Variants in MEI1 observed in about 807,000 individuals in gnomAD.
The protein encoded by MEI1 is meiosis inhibitor protein 1.
In MEI1, 103 loss-of-function variants were observed where a neutral mutation model predicts 146.2. The observed-to-expected ratio is 0.70, with a 90% confidence interval of 0.60 to 0.83. MEI1 has a LOEUF of 0.83. Among genes scored for constraint, MEI1 ranks in the 40% least tolerant of loss-of-function variants. The probability of loss-of-function intolerance (pLI) is 0.00; values close to 1 mark genes in which losing one functional copy is unlikely to be tolerated. For missense variants in MEI1, 1,529 were observed against 1,533.0 expected, an observed-to-expected ratio of 1.00 and a Z score of 0.04; for synonymous variants, 652 against 628.2, an observed-to-expected ratio of 1.04 and a Z score of -0.57.
chr22:41,718,364 A>T, intron 6 of MEI1, 90 bp downstream of exon 6: 1 of 1,307,342 alleles, frequency 7.6e-7, no homozygotes, highest in Admixed American at 2.2e-5. Flanking sequence ...GTAGTGGGGA[A>T]GTTTGCTGTT....
rs1183165891 is a variant in MEI1, at chr22:41,769,801, G to T, written c.2269-885G>T. 2.6e-5 allele frequency among the ~76,000 whole-genome samples: 4 copies of T among 151,816 alleles called. No individual in the cohort carries two copies. The East Asian group carries it at 7.8e-4, about 30-fold the overall frequency. Reference sequence around the variant, plus strand: ...ACTAAGAAATTTGAACATTGTTATGGGAATGCAATGGGAAGAGGTAGGTTT... The same window carrying T: ...ACTAAGAAATTTGAACATTGTTATGTGAATGCAATGGGAAGAGGTAGGTTT... On this transcript the variant is annotated intron_variant, in intron 19 of 30. Transcript: ENST00000401548.
At chr22:41,790,393 C>T (rs1473162789) in intron 26 of MEI1, among the ~76,000 whole-genome samples, 3 of 151,904 alleles carry the variant, frequency 2.0e-5, no homozygotes, top group Non-Finnish European at 2.9e-5. Flanking sequence ...TCTTAAAACT[C>T]GCTTTTTATT....
At chr22:41,793,032 C>CT (rs869223251) in intron 26 of MEI1, among the ~76,000 whole-genome samples, 582 of 48,408 alleles carry the variant, frequency 0.012, 122 homozygotes, top group East Asian at 0.1. Flanking sequence ...ACAAAGCATT[C>CT]TTTTTTTTTT....
intron 3 of MEI1, among the ~76,000 whole-genome samples, chr22:41,705,848 C>T (rs1051861022): frequency 1.3e-5 from 2 of 151,688 alleles, no homozygotes; most frequent in Non-Finnish European, 2.9e-5. Context: ...GCTGGGATTA[C>T]AGGCATCTGC....
intron 26 of MEI1, among the ~76,000 whole-genome samples, chr22:41,786,071 C>G (rs1312913380): frequency 6.7e-6 from 1 of 149,384 alleles, no homozygotes; most frequent in African/African-American, 2.5e-5. Context: ...CTACCACGCC[C>G]GGCTAATTTT....
intron 1 of MEI1, among the ~76,000 whole-genome samples, chr22:41,701,017 G>A (rs981746893): frequency 8.9e-5 from 13 of 146,846 alleles, no homozygotes; most frequent in Admixed American, 4.2e-4. Context: ...TCAGCTCACC[G>A]CAACCTCCGC....
Position 41,795,889 on chromosome 22 carries a change from C to G in MEI1, c.3779+42C>G, listed in dbSNP as rs766354001. 1.2e-6 allele frequency: 2 copies of G among 1,612,682 alleles called. No individual in the cohort carries two copies. Among genetic ancestry groups the G allele is most frequent in the South Asian group, 2.2e-5 (2 of 91,014 alleles). The stretch of plus-strand genomic sequence containing the variant: ...CTATGATGAAGGAGATGCCAAATCA[C>G]TGGGTGTTTGGGGCTTCTCTTCCTG... On this transcript the variant is annotated intron_variant, in intron 30 of 30. Coordinates refer to ENST00000401548, the MANE Select transcript of MEI1 (RefSeq NM_152513.4). The surrounding 1 kb of genome is among the most constrained non-coding windows in gnomAD (Gnocchi z 4.2).
chr22:41,767,945 GA>G (rs2074957824), intron 19 of MEI1, among the ~76,000 whole-genome samples: 2 of 152,278 alleles, frequency 1.3e-5, no homozygotes, highest in Admixed American at 1.3e-4. Context: ...AGCAGAGTAT[GA>G]TTTAATGTAC....
intron 15 of MEI1, among the ~76,000 whole-genome samples, chr22:41,749,820 CCTGGCTTCTGG>C (rs2073623342): frequency 6.6e-6 from 1 of 151,486 alleles, no homozygotes; most frequent in African/African-American, 2.4e-5. Context: ...CAAGGTAATG[CCTGGCTTCTGG>C]CTGGCTTCTA....
intron 26 of MEI1, among the ~76,000 whole-genome samples, chr22:41,793,457 A>G (rs1164008573): frequency 6.6e-6 from 1 of 151,848 alleles, no homozygotes; most frequent in Non-Finnish European, 1.5e-5. Flanking sequence ...GTGCACCAAC[A>G]CACCTAGCTA....
intron 26 of MEI1, among the ~76,000 whole-genome samples, chr22:41,792,763 C>T (rs2076222888): frequency 6.6e-6 from 1 of 152,258 alleles, no homozygotes; most frequent in South Asian, 2.1e-4. Flanking sequence ...CCACATTCTC[C>T]TCAACACTTG....
chr22:41,731,053 T>G (rs1256895737), intron 9 of MEI1, among the ~76,000 whole-genome samples: 1 of 146,340 alleles, frequency 6.8e-6, no homozygotes, highest in East Asian at 2.0e-4. Context: ...GTCTGGGACT[T>G]TTTTTTTTTT....
chr22:41,730,588 A>T lies in MEI1; in HGVS notation c.1047A>T (p.Thr349=), dbSNP rs778047977. Reference sequence around the variant, plus strand: ...TCTGGTCCAGCTGTAACTGCTTGACACTCCTGGTAGAAGAGCCACTCTTTT... The same window carrying T: ...TCTGGTCCAGCTGTAACTGCTTGACTCTCCTGGTAGAAGAGCCACTCTTTT... ...VLVWSSCNCL[T]LLVEEPLFFS... Residue 349 remains threonine (T), a synonymous_variant, in exon 9 of 31, where the codon ACA becomes ACT. Coordinates refer to ENST00000401548, the MANE Select transcript of MEI1 (RefSeq NM_152513.4). 1 of 1,613,436 alleles carries T rather than the reference A, an allele frequency of 6.2e-7. No homozygotes were observed. Among genetic ancestry groups the T allele is most frequent in the South Asian group, 1.1e-5 (1 of 91,056 alleles).
At chr22:41,746,691 C>T (rs1474860624) in intron 14 of MEI1, among the ~76,000 whole-genome samples, 5 of 152,136 alleles carry the variant, frequency 3.3e-5, no homozygotes, top group Non-Finnish European at 1.5e-5. Flanking sequence ...TCCTATGAGC[C>T]TGTGAGGAGT....
intron 30 of MEI1, among the ~76,000 whole-genome samples, chr22:41,798,700 T>C (rs894293201): frequency 1.3e-5 from 2 of 151,558 alleles, no homozygotes; most frequent in African/African-American, 2.4e-5. Context: ...AAACCCCATC[T>C]CTACTAAAAA....
At chr22:41,778,456 C>T (rs1231855464) in intron 21 of MEI1, among the ~76,000 whole-genome samples, 1 of 152,208 alleles carries the variant, frequency 6.6e-6, no homozygotes, top group Non-Finnish European at 1.5e-5. Flanking sequence ...ATCCATGCTT[C>T]ACATTTTGTT....
chr22:41,765,751 A>T (rs1226651491), intron 19 of MEI1, among the ~76,000 whole-genome samples: 1 of 151,908 alleles, frequency 6.6e-6, no homozygotes, highest in South Asian at 2.1e-4. Flanking sequence ...TTCAATTTGT[A>T]TTTCCTAAGA....
intron 19 of MEI1, among the ~76,000 whole-genome samples, chr22:41,765,443 C>T (rs1311218973): frequency 2.0e-5 from 3 of 152,030 alleles, no homozygotes; most frequent in Non-Finnish European, 4.4e-5. Context: ...TTCATGCCAC[C>T]GCACTCCAGC....
rs183820706 is a variant in MEI1 at position 41,709,463 on chromosome 22, C to T, written c.349+3909C>T. On this transcript the variant is annotated intron_variant, in intron 3 of 30. Transcript: ENST00000401548. Reference sequence around the variant, plus strand: ...ACCTTGGCTTTATCTCCTTTAGCATCACCTTCAGCCTTTGTCTTGGGCATG... The same window carrying T: ...ACCTTGGCTTTATCTCCTTTAGCATTACCTTCAGCCTTTGTCTTGGGCATG... The T allele has an allele frequency of 6.3e-5, 42 of 661,928 alleles. No homozygotes were observed. The East Asian group carries it at 1.3e-3, about 21-fold the overall frequency. The allele number at this position is 661,928 out of a possible 1,614,324, so 41.0% of individuals were successfully genotyped here.
Sources: allele counts gnomAD v4.1 joint callset (sites outside exome capture counted in the v4.1 genomes callset), GRCh38; gene constraint gnomAD v4.1.1; non-coding constraint Gnocchi (gnomAD v3.1); transcripts MANE v1.5; gene names NCBI Gene and HGNC (gene_info 2026-07-23, HGNC 2026-07-21).